Variants in CUX1 observed in about 807,000 individuals in gnomAD.
CUX1 encodes the protein cut like homeobox 1.
In CUX1, 31 loss-of-function variants were observed where a neutral mutation model predicts 158.8. The observed-to-expected ratio is 0.20, with a 90% CI of 0.15 to 0.26. The LOEUF (loss-of-function observed/expected upper bound fraction) is 0.26. Among genes scored for constraint, CUX1 ranks in the 10% least tolerant of loss-of-function variants. The pLI is 1.00. For synonymous variants in CUX1, 879 were observed against 862.1 expected (o/e 1.02, Z -0.34); for missense variants, 1,589 against 2,014.6 (o/e 0.79, Z 4.04).
At chr7:101,825,796 TGTGC>T (rs754267016) in intron 1 of CUX1, among the ~76,000 whole-genome samples, 2,119 of 82,698 alleles carry the variant, frequency 0.026, 10 homozygotes, top group South Asian at 0.035. Flanking sequence ...TGTGTGTGTG[TGTGC>T]GCGCGCGCGC....
intron 8 of CUX1, among the ~76,000 whole-genome samples, chr7:102,148,063 G>A (rs1443021721): frequency 6.6e-6 from 1 of 152,148 alleles, no homozygotes; most frequent in Admixed American, 6.5e-5. Context: ...TGGAACTATG[G>A]CAGTGGATAA....
intron 20 of CUX1, among the ~76,000 whole-genome samples, chr7:102,213,887 C>T (rs953165299): frequency 1.8e-4 from 27 of 152,196 alleles, no homozygotes; most frequent in African/African-American, 6.5e-4. Context: ...AATCCCAGCA[C>T]TTTGGGAGGC....
chr7:102,189,045 A>G (rs549060282), intron 11 of CUX1, among the ~76,000 whole-genome samples: 3 of 152,218 alleles, frequency 2.0e-5, no homozygotes, highest in African/African-American at 2.4e-5. Context: ...TCGACTGAAC[A>G]GGTCCCTGCT....
chr7:102,050,394 C>T (rs1823348587), intron 3 of CUX1, among the ~76,000 whole-genome samples: 1 of 152,132 alleles, frequency 6.6e-6, no homozygotes, highest in Non-Finnish European at 1.5e-5. Flanking sequence ...CAGGATTTAA[C>T]CTTCTGGGGC....
intron 9 of CUX1, among the ~76,000 whole-genome samples, chr7:102,163,647 G>A (rs1376823945): frequency 6.6e-5 from 10 of 152,206 alleles, no homozygotes; most frequent in Non-Finnish European, 1.3e-4. Context: ...GCTGTGGGAG[G>A]CTATTGTGTA....
intron 6 of CUX1, among the ~76,000 whole-genome samples, chr7:102,107,557 T>G (rs1449101748): frequency 6.6e-6 from 1 of 152,024 alleles, no homozygotes; most frequent in Non-Finnish European, 1.5e-5. Context: ...AAAAAATAAA[T>G]AAAAGAAAAG....
intron 7 of CUX1, 127 bp downstream of exon 7, chr7:102,111,901 G>A (rs1489411078): frequency 1.2e-5 from 9 of 747,672 alleles, no homozygotes; most frequent in Non-Finnish European, 1.8e-5. Flanking sequence ...GCTGCCGGGA[G>A]CCCACGCTGA....
intron 2 of CUX1, among the ~76,000 whole-genome samples, chr7:101,989,428 A>G (rs1266524308): frequency 1.3e-5 from 2 of 152,222 alleles, no homozygotes; most frequent in Admixed American, 6.5e-5. Context: ...GTAGGTTAAT[A>G]ATCCCTGGAT....
At chr7:102,114,742 G>A (rs369672401) in intron 7 of CUX1, among the ~76,000 whole-genome samples, 5 of 152,276 alleles carry the variant, frequency 3.3e-5, no homozygotes, top group South Asian at 2.1e-4. Flanking sequence ...TTAGCCAAGC[G>A]TAGTGGCTTG....
chr7:102,073,018 AGGATCCCAGAAGG>A (rs1397845865), intron 4 of CUX1, among the ~76,000 whole-genome samples: 8 of 152,108 alleles, frequency 5.3e-5, no homozygotes, highest in Admixed American at 2.6e-4. Context: ...TTCTGGGAGC[AGGATCCCAGAAGG>A]GGAGTGTTTT....
At position 101,886,865 on chromosome 7, in the gene CUX1, T is replaced by C. The variant is rs958950466; in HGVS notation, c.31-29250T>C. ...CTCTTGAGAGCCCACGGGTGTTTTC[T>C]GGCCATGTGACCTAAATGGGAGGCT... On this transcript the variant is annotated intron_variant, in intron 1 of 23. Coordinates refer to ENST00000292535, the MANE Select transcript of CUX1 (RefSeq NM_181552.4). Among the ~76,000 whole-genome samples, 4 of 152,182 alleles carry C rather than the reference T, an allele frequency of 2.6e-5. 1 individual carries two copies. Among genetic ancestry groups the C allele is most frequent in the Admixed American group, 2.6e-4 (4 of 15,266 alleles).
chr7:101,841,017 T>C (rs1251207407), intron 1 of CUX1, among the ~76,000 whole-genome samples: 1 of 151,814 alleles, frequency 6.6e-6, no homozygotes, highest in African/African-American at 2.4e-5. Context: ...CCTTAGCCTC[T>C]CGAGTAGCTG....
intron 1 of CUX1, among the ~76,000 whole-genome samples, chr7:101,912,884 C>G (rs1246509313): frequency 5.9e-5 from 9 of 152,154 alleles, no homozygotes; most frequent in Non-Finnish European, 1.0e-4. Flanking sequence ...TGTGACGACT[C>G]TCCATACGCC....
upstream of CUX1, chr7:101,817,045 G>A: frequency 1.0e-6 from 1 of 984,556 alleles, no homozygotes; most frequent in Non-Finnish European, 1.2e-6. This position sits in a 1 kb window ranked among gnomAD's most constrained non-coding sequence, Gnocchi z 4.1. Context: ...ACCCCCGCGG[G>A]GGCTCTTTGG....
chr7:102,207,648 C>A (rs1210242507), intron 20 of CUX1, among the ~76,000 whole-genome samples: 4 of 152,070 alleles, frequency 2.6e-5, no homozygotes, highest in African/African-American at 9.7e-5. Flanking sequence ...GACAGAGTTT[C>A]AACATGTTGG....
chr7:101,909,674 C>A (rs750417539), intron 1 of CUX1, among the ~76,000 whole-genome samples: 77 of 152,318 alleles, frequency 5.1e-4, no homozygotes, highest in Non-Finnish European at 7.5e-4. Context: ...ATCAGATGAA[C>A]TCACTCTTTG....
rs782361840 is a variant in CUX1 at position 102,239,407 on chromosome 7, GC to G, written c.3715del (p.Gln1239SerfsTer6). On this transcript the variant is annotated frameshift_variant, in exon 23 of 24. Coordinates refer to ENST00000292535, the MANE Select transcript of CUX1 (RefSeq NM_181552.4). LOFTEE classifies it high-confidence loss of function. ...GGCACCGAGTACAGCCAGGGCGCCA[GC>G]CCCCAGCCCCAGCACCAGCTGAAGA... ...SVGTEYSQGA[S>X]PQPQHQLKKP... The G allele has an allele frequency of 1.2e-6, 2 of 1,613,670 alleles. No individual in the cohort carries two copies. Among genetic ancestry groups the G allele is most frequent in the Non-Finnish European group, 8.5e-7 (1 of 1,179,936 alleles).
chr7:101,903,743 G>A (rs757179432), intron 1 of CUX1, among the ~76,000 whole-genome samples: 6 of 152,074 alleles, frequency 3.9e-5, no homozygotes, highest in South Asian at 2.1e-4. Flanking sequence ...TTAAATGAGC[G>A]TCTAGCAAGT....
chr7:101,883,868 T>C (rs1799962130), intron 1 of CUX1, among the ~76,000 whole-genome samples: 1 of 152,108 alleles, frequency 6.6e-6, no homozygotes. Context: ...AGTGCTGGGA[T>C]TACAGGTGTG....
Sources: gnomAD v4.1 joint callset for allele counts (sites outside exome capture counted in the v4.1 genomes callset) on GRCh38, gnomAD v4.1.1 for gene constraint, Gnocchi (gnomAD v3.1) non-coding constraint, MANE v1.5 for transcripts, NCBI Gene and HGNC (gene_info 2026-07-23, HGNC 2026-07-21) for gene names.